Variants in SGCD observed in about 807,000 individuals in gnomAD.
SGCD encodes the protein sarcoglycan delta, also known as delta-sarcoglycan.
A neutral mutation model predicts 36.6 loss-of-function variants in SGCD; 18 were observed. The observed-to-expected ratio is 0.49, with a 90% CI of 0.34 to 0.73. SGCD has a LOEUF of 0.73. Among genes scored for constraint, SGCD ranks in the 30% least tolerant of loss-of-function variants. The pLI is 0.01. For synonymous variants in SGCD, 133 were observed against 130.6 expected, an observed-to-expected ratio of 1.02 and a Z score of -0.12; for missense variants, 387 against 346.7, an observed-to-expected ratio of 1.12 and a Z score of -0.92.
intron 3 of SGCD, among the ~76,000 whole-genome samples, chr5:156,392,799 G>C (rs1771647345): frequency 6.6e-6 from 1 of 152,108 alleles, no homozygotes; most frequent in Non-Finnish European, 1.5e-5. Flanking sequence ...GACTGCCCCA[G>C]CCAAACTTTG....
chr5:155,795,356 A>G, the SGCD span, among the ~76,000 whole-genome samples: 10,605 of 152,216 alleles, frequency 0.07, 713 homozygotes, highest in African/African-American at 0.18. Context: ...TAATGCAGAT[A>G]CATTCTTGGA....
At chr5:156,712,690 C>T (rs543595303) in intron 7 of SGCD, among the ~76,000 whole-genome samples, 7 of 152,162 alleles carry the variant, frequency 4.6e-5, no homozygotes, top group East Asian at 1.9e-4. Flanking sequence ...GTTCACGCAG[C>T]GGAGCAAACC....
chr5:156,065,506 T>G (rs1250216968), intron 1 of SGCD, among the ~76,000 whole-genome samples: 6 of 77,678 alleles, frequency 7.7e-5, no homozygotes, highest in African/African-American at 4.3e-4. Flanking sequence ...ACTTTCTGTC[T>G]CGTTGATCTG....
At chr5:155,913,452 C>G (rs761711865) in intron 1 of SGCD, among the ~76,000 whole-genome samples, 3 of 151,386 alleles carry the variant, frequency 2.0e-5, no homozygotes, top group African/African-American at 7.3e-5. Flanking sequence ...TCCTTTGGAA[C>G]CTTTTAGGGA....
the SGCD span, among the ~76,000 whole-genome samples, chr5:155,856,266 CAA>C: frequency 8.5e-5 from 13 of 152,074 alleles, no homozygotes; most frequent in African/African-American, 2.4e-4. Context: ...TAAGCCAACA[CAA>C]GAGATAAAAT....
At chr5:155,759,203 A>T in the SGCD span, among the ~76,000 whole-genome samples, 1 of 152,252 alleles carries the variant, frequency 6.6e-6, no homozygotes, top group Non-Finnish European at 1.5e-5. Flanking sequence ...ATAAGTTTGC[A>T]TTATAATATT....
chr5:156,633,555 T>A (rs181799693), intron 6 of SGCD, among the ~76,000 whole-genome samples: 3 of 152,332 alleles, frequency 2.0e-5, no homozygotes, highest in Admixed American at 2.0e-4. Context: ...AACCTTTCTG[T>A]GCTTCAGTTT....
chr5:156,117,053 G>T (rs947558622), intron 1 of SGCD, among the ~76,000 whole-genome samples: 1 of 151,940 alleles, frequency 6.6e-6, no homozygotes, highest in Non-Finnish European at 1.5e-5. Context: ...GTGTAGCTTT[G>T]TTCAAACATC....
At position 156,045,163 on chromosome 5, in the gene SGCD, C is replaced by T. The variant is rs149960745; in HGVS notation, c.-281-72715C>T. Among the ~76,000 whole-genome samples, 1,172 of 152,246 alleles carry T rather than the reference C, an allele frequency of 7.7e-3. 7 individuals are homozygous for T. Among genetic ancestry groups the T allele is most frequent in the African/African-American group, 0.027 (1,121 of 41,546 alleles). On this transcript the variant is annotated intron_variant, in intron 1 of 9. Transcript: ENST00000517913. ...TTCTCAACACAGACATTTATCCATT[C>T]CTGAGGACAGAGCCCTCATGACCTA...
intron 3 of SGCD, among the ~76,000 whole-genome samples, chr5:156,384,104 C>A (rs904356747): frequency 6.6e-6 from 1 of 152,186 alleles, no homozygotes. Context: ...GTTGAATCCA[C>A]ACAAGTTAAA....
intron 1 of SGCD, among the ~76,000 whole-genome samples, chr5:155,998,053 C>T (rs1366888737): frequency 6.6e-6 from 1 of 152,180 alleles, no homozygotes; most frequent in Non-Finnish European, 1.5e-5. Context: ...CAGGGACTGC[C>T]TCTAGGTAGG....
the SGCD span, among the ~76,000 whole-genome samples, chr5:155,792,433 C>CAAAAAAAA: frequency 1.1e-4 from 10 of 92,312 alleles, no homozygotes; most frequent in Admixed American, 2.6e-4. Context: ...TTCTACATAG[C>CAAAAAAAA]AAAAAAAAAA....
At chr5:156,123,196 C>G (rs1762087290) in intron 2 of SGCD, among the ~76,000 whole-genome samples, 1 of 152,072 alleles carries the variant, frequency 6.6e-6, no homozygotes, top group African/African-American at 2.4e-5. Flanking sequence ...GGGGAAATAT[C>G]TGGGCCTGGA....
chr5:156,334,983 G>A (rs1371523718), intron 2 of SGCD, among the ~76,000 whole-genome samples: 2 of 152,158 alleles, frequency 1.3e-5, no homozygotes, highest in Non-Finnish European at 1.5e-5. Context: ...CTGAGTTTAA[G>A]TTCAGACCCT....
chr5:156,369,479 A>G (rs1770273931), intron 3 of SGCD, among the ~76,000 whole-genome samples: 1 of 152,196 alleles, frequency 6.6e-6, no homozygotes, highest in African/African-American at 2.4e-5. Context: ...GTCTAGCAGA[A>G]GTGTATTATT....
intron 3 of SGCD, among the ~76,000 whole-genome samples, chr5:156,146,145 G>A (rs1260528110): frequency 6.6e-6 from 1 of 152,132 alleles, no homozygotes; most frequent in Non-Finnish European, 1.5e-5. Context: ...CCTGGGAGGT[G>A]GAGCTTGCAG....
intron 7 of SGCD, among the ~76,000 whole-genome samples, chr5:156,676,005 C>G (rs767719890): frequency 6.6e-6 from 1 of 152,168 alleles, no homozygotes; most frequent in Non-Finnish European, 1.5e-5. Context: ...TGCCAGGAAT[C>G]AATAGCTCTC....
chr5:156,406,790 TTATATATA>T (rs200600544), intron 3 of SGCD, among the ~76,000 whole-genome samples: 2 of 75,656 alleles, frequency 2.6e-5, no homozygotes, highest in African/African-American at 5.1e-5. Flanking sequence ...ATAGGAGATT[TTATATATA>T]TATATATATA....
chr5:156,375,627 G>A (rs1770621364), intron 3 of SGCD, among the ~76,000 whole-genome samples: 1 of 152,020 alleles, frequency 6.6e-6, no homozygotes, highest in South Asian at 2.1e-4. Flanking sequence ...AAGATGTTTT[G>A]TTCAAAGCTG....
Sources: gnomAD v4.1 joint callset for allele counts (sites outside exome capture counted in the v4.1 genomes callset) on GRCh38, gnomAD v4.1.1 for gene constraint, MANE v1.5 for transcripts, NCBI Gene and HGNC (gene_info 2026-07-23, HGNC 2026-07-21) for gene names.